NLGN1: variants seen among roughly 807,000 people sequenced by gnomAD.
The protein encoded by NLGN1 is neuroligin-1.
In NLGN1, 12 loss-of-function variants were observed where a neutral mutation model predicts 65.5. The ratio of observed to expected loss-of-function variants is 0.18; its 90% CI spans 0.12 to 0.30. NLGN1 has a LOEUF of 0.30. Ranked by LOEUF, NLGN1 falls within the 10% of genes least tolerant of loss-of-function variation. The pLI is 1.00. For synonymous variants in NLGN1, 350 were observed against 359.5 expected, an observed-to-expected ratio of 0.97 and a Z score of 0.30; for missense variants, 750 against 1,007.1, an observed-to-expected ratio of 0.74 and a Z score of 3.46.
intron 4 of NLGN1, among the ~76,000 whole-genome samples, chr3:174,210,743 T>C (rs1248509134): frequency 1.3e-5 from 2 of 152,188 alleles, no homozygotes; most frequent in Admixed American, 1.3e-4. Flanking sequence ...AAAATACAGT[T>C]ACATGCCACA....
At chr3:174,217,821 C>G (rs1442131399) in intron 4 of NLGN1, among the ~76,000 whole-genome samples, 2 of 151,906 alleles carry the variant, frequency 1.3e-5, no homozygotes, top group Non-Finnish European at 2.9e-5. Flanking sequence ...GACAGACAAT[C>G]CTTGTTCAAA....
chr3:173,665,097 A>G (rs1184806679), intron 3 of NLGN1, among the ~76,000 whole-genome samples: 2 of 152,186 alleles, frequency 1.3e-5, no homozygotes, highest in African/African-American at 4.8e-5. Context: ...GGTGGTTGAT[A>G]TGGTCTGGCT....
chr3:173,966,267 C>A (rs1174810185), intron 4 of NLGN1, among the ~76,000 whole-genome samples: 1 of 152,166 alleles, frequency 6.6e-6, no homozygotes, highest in African/African-American at 2.4e-5. Context: ...TCAGCACACT[C>A]CTCTTACAGG....
chr3:173,823,597 A>G (rs1043506758), intron 4 of NLGN1, among the ~76,000 whole-genome samples: 1 of 151,938 alleles, frequency 6.6e-6, no homozygotes, highest in Non-Finnish European at 1.5e-5. Context: ...TGCTTCATTT[A>G]AAAAAAATTA....
chr3:173,570,937 C>T (rs1178310350), intron 2 of NLGN1, among the ~76,000 whole-genome samples: 2 of 152,064 alleles, frequency 1.3e-5, no homozygotes, highest in African/African-American at 4.8e-5. Context: ...CTGCTGACCT[C>T]GTGATCCACC....
intron 1 of NLGN1, among the ~76,000 whole-genome samples, chr3:173,402,496 A>G (rs148137326): frequency 1.3e-5 from 2 of 152,306 alleles, no homozygotes; most frequent in East Asian, 3.9e-4. Flanking sequence ...AGGCTTTAAC[A>G]AAAAGTACAT....
chr3:174,040,159 T>C (rs1731968568), intron 4 of NLGN1, among the ~76,000 whole-genome samples: 1 of 152,172 alleles, frequency 6.6e-6, no homozygotes, highest in Admixed American at 6.5e-5. Flanking sequence ...TCTTTTTTTT[T>C]CTTTTTTGGC....
intron 3 of NLGN1, among the ~76,000 whole-genome samples, chr3:173,616,662 T>C (rs889637039): frequency 3.3e-5 from 5 of 152,066 alleles, no homozygotes; most frequent in African/African-American, 1.2e-4. Flanking sequence ...ACACCATCCT[T>C]CTTCCCTGGT....
chr3:174,022,941 A>T (rs1217791119), intron 4 of NLGN1, among the ~76,000 whole-genome samples: 3 of 152,250 alleles, frequency 2.0e-5, no homozygotes, highest in Non-Finnish European at 2.9e-5. Context: ...CAAGCTGTAG[A>T]TTTAGGATTT....
chr3:173,614,204 G>T (rs1351359239), intron 3 of NLGN1, among the ~76,000 whole-genome samples: 1 of 151,982 alleles, frequency 6.6e-6, no homozygotes, highest in African/African-American at 2.4e-5. Flanking sequence ...GAAGAGCAGG[G>T]GTAGAGGGAT....
chr3:173,460,242 CATAAG>C, intron 2 of NLGN1, among the ~76,000 whole-genome samples: 1 of 152,074 alleles, frequency 6.6e-6, no homozygotes, highest in South Asian at 2.1e-4. Context: ...ATGAAATACT[CATAAG>C]ATAGCTAGAC....
intron 4 of NLGN1, among the ~76,000 whole-genome samples, chr3:174,177,855 C>T (rs1449990705): frequency 1.3e-5 from 2 of 152,012 alleles, no homozygotes; most frequent in Non-Finnish European, 2.9e-5. Flanking sequence ...TGGAATTAGT[C>T]TTTCACCATA....
At chr3:174,116,547 C>T (rs1385326452) in intron 4 of NLGN1, among the ~76,000 whole-genome samples, 6 of 151,642 alleles carry the variant, frequency 4.0e-5, no homozygotes, top group Admixed American at 1.3e-4. Context: ...TATGTTGTCC[C>T]GGCTAGTCTC....
At chr3:173,407,582 ATTT>A (rs1711538601) in intron 1 of NLGN1, among the ~76,000 whole-genome samples, 1 of 152,196 alleles carries the variant, frequency 6.6e-6, no homozygotes, top group African/African-American at 2.4e-5. Context: ...GGGGAGTCAT[ATTT>A]TTAGCAAAGT....
intron 4 of NLGN1, among the ~76,000 whole-genome samples, chr3:174,125,356 G>A (rs1718708412): frequency 1.3e-5 from 2 of 152,050 alleles, no homozygotes; most frequent in Admixed American, 6.6e-5. Flanking sequence ...TATTTAAGAG[G>A]AAGTCATAAA....
chr3:173,667,517 T>G (rs1761875192), intron 3 of NLGN1, among the ~76,000 whole-genome samples: 1 of 152,210 alleles, frequency 6.6e-6, no homozygotes, highest in Non-Finnish European at 1.5e-5. Context: ...GGTATGATAC[T>G]ATTATCTAAA....
chr3:173,446,391 G>GA (rs773247774), intron 2 of NLGN1, among the ~76,000 whole-genome samples: 10 of 152,158 alleles, frequency 6.6e-5, no homozygotes, highest in Non-Finnish European at 1.2e-4. Context: ...CAAAGGACAT[G>GA]AACTCATCAT....
intron 2 of NLGN1, among the ~76,000 whole-genome samples, chr3:173,494,353 C>G (rs1358804414): frequency 1.3e-5 from 2 of 148,798 alleles, no homozygotes; most frequent in Non-Finnish European, 3.0e-5. Context: ...GTTTTTTTTT[C>G]TTTTTTTCAG....
intron 1 of NLGN1, chr3:173,434,902 T>G (rs192246183): frequency 6.5e-6 from 1 of 152,756 alleles, no homozygotes; most frequent in Non-Finnish European, 1.5e-5. Context: ...AATGTAAAAC[T>G]TAAAAGGTGG....
Sources: allele counts gnomAD v4.1 joint callset (sites outside exome capture counted in the v4.1 genomes callset), GRCh38; gene constraint gnomAD v4.1.1; transcripts MANE v1.5; gene names NCBI Gene and HGNC (gene_info 2026-07-23, HGNC 2026-07-21).